Variants in GLIS1 observed in about 807,000 individuals in gnomAD.
The protein encoded by GLIS1 is zinc finger protein GLIS1.
A neutral mutation model predicts 63.8 loss-of-function variants in GLIS1; 24 were observed. That is an observed-to-expected ratio of 0.38 (90% CI 0.27 to 0.53). The LOEUF (loss-of-function observed/expected upper bound fraction) is 0.53. GLIS1 is among the 20% of genes least tolerant of loss of function. GLIS1 has a pLI of 0.85. For synonymous variants in GLIS1, 450 were observed against 482.5 expected (o/e 0.93, Z 0.88); for missense variants, 1,036 against 1,074.1 (o/e 0.96, Z 0.50).
chr1:53,704,290 T>C (rs961385223), intron 2 of GLIS1, among the ~76,000 whole-genome samples: 2 of 152,226 alleles, frequency 1.3e-5, no homozygotes, highest in African/African-American at 4.8e-5. Context: ...CTCAGCCTAC[T>C]TTCCACCCCT....
At chr1:53,518,336 G>A (rs1195321876) in intron 7 of GLIS1, among the ~76,000 whole-genome samples, 2 of 152,208 alleles carry the variant, frequency 1.3e-5, no homozygotes, top group Non-Finnish European at 2.9e-5. Flanking sequence ...TCTGCCACCT[G>A]CTAGCTGTGG....
chr1:53,604,912 A>G (rs375045759), intron 2 of GLIS1, among the ~76,000 whole-genome samples: 18 of 36,948 alleles, frequency 4.9e-4, no homozygotes, highest in Non-Finnish European at 1.5e-3. Context: ...ATATATATAT[A>G]TGTGTGTGTG....
At chr1:53,533,712 C>T (rs566528194) in intron 4 of GLIS1, among the ~76,000 whole-genome samples, 67 of 152,322 alleles carry the variant, frequency 4.4e-4, no homozygotes, top group African/African-American at 1.4e-3. Flanking sequence ...ATCCCAGACA[C>T]GCCAGGGGCC....
rs1645015455 is a variant in GLIS1 at position 53,574,749 on chromosome 1, C to T, written c.1320+19359G>A. On this transcript the variant is annotated intron_variant, in intron 4 of 10. Transcript: ENST00000628545. This position sits in a 1 kb window ranked among gnomAD's most constrained non-coding sequence, Gnocchi z 4.2. Reference sequence around the variant, plus strand: ...TTTGTCATTCCAGCTGTACCATTAGCAAGGGGCACTGTGATCCTCATGGGG... The same window carrying T: ...TTTGTCATTCCAGCTGTACCATTAGTAAGGGGCACTGTGATCCTCATGGGG... Among the ~76,000 whole-genome samples, 1 of 152,206 alleles carries T rather than the reference C, an allele frequency of 6.6e-6. No individual in the cohort carries two copies. The highest frequency in any genetic ancestry group is 2.4e-5 in the African/African-American group (1 of 41,454).
Position 53,646,679 on chromosome 1 carries a change from G to C in GLIS1, c.260-46401C>G, listed in dbSNP as rs1015395367. Among the ~76,000 whole-genome samples, 6 of 151,978 alleles carry C rather than the reference G, an allele frequency of 3.9e-5. No homozygotes were observed. Among genetic ancestry groups the C allele is most frequent in the African/African-American group, 1.5e-4 (6 of 41,378 alleles). The stretch of plus-strand genomic sequence containing the variant: ...ACAAAACTTAGCCAGGTGTGGTGGC[G>C]CACATCTGTGGTCCCAGCTACTTGG... On this transcript the variant is annotated intron_variant, in intron 2 of 10. Transcript: ENST00000628545. The surrounding 1 kb of genome is among the most constrained non-coding windows in gnomAD (Gnocchi z 4.2).
At chr1:53,726,608 C>T (rs1444876520) in intron 2 of GLIS1, among the ~76,000 whole-genome samples, 1 of 152,116 alleles carries the variant, frequency 6.6e-6, no homozygotes, top group Non-Finnish European at 1.5e-5. Flanking sequence ...AACAGACAAC[C>T]CTCATCCTAC....
At chr1:53,514,879 AGACAAGAGG>A in intron 7 of GLIS1, 98 bp from the exon 8 acceptor site, 1 of 1,375,664 alleles carries the variant, frequency 7.3e-7, no homozygotes, top group Non-Finnish European at 9.8e-7. Context: ...GGAGAAATAA[AGACAAGAGG>A]GAAAATGAAC....
intron 4 of GLIS1, among the ~76,000 whole-genome samples, chr1:53,588,417 G>A (rs981981550): frequency 2.0e-5 from 3 of 152,122 alleles, no homozygotes; most frequent in African/African-American, 7.2e-5. Flanking sequence ...CCCAACTTTC[G>A]ATTATCAGCC....
At position 53,509,219 on chromosome 1, in the gene GLIS1, G is replaced by A. The variant is rs759933200; in HGVS notation, c.2131C>T (p.Pro711Ser). 10 of 1,597,094 alleles carry A rather than the reference G, an allele frequency of 6.3e-6. No individual in the cohort carries two copies. Among genetic ancestry groups the A allele is most frequent in the Non-Finnish European group, 8.5e-6 (10 of 1,172,426 alleles). Residue 711 changes from proline to serine, a missense_variant, in exon 10 of 11, where the codon CCA becomes TCA. Pro to Ser is a moderately conservative substitution (Grantham distance 74). This residue lies in a region of GLIS1 where 400 missense variants were observed against 400.9 expected (regional missense o/e 1.00). Transcript: ENST00000628545. ...PYGDCYRMAE[P>S]AAGGDGLVGE... ...ACCAGTCCGTCCCCACCGGCTGCTGGTTCAGCCATCCGGTAGCAGTCGCCA... is the reference window on the plus strand; with the variant it reads ...ACCAGTCCGTCCCCACCGGCTGCTGATTCAGCCATCCGGTAGCAGTCGCCA...
At chr1:53,624,867 C>T (rs964095461) in intron 2 of GLIS1, among the ~76,000 whole-genome samples, 2 of 152,124 alleles carry the variant, frequency 1.3e-5, no homozygotes, top group Non-Finnish European at 2.9e-5. Flanking sequence ...TGATAAACAA[C>T]CCAATTTAAA....
At chr1:53,610,124 C>T (rs1178204863) in intron 2 of GLIS1, among the ~76,000 whole-genome samples, 4 of 152,364 alleles carry the variant, frequency 2.6e-5, no homozygotes, top group Non-Finnish European at 4.4e-5. Context: ...TGTGCCTACA[C>T]ACACACATTC....
chr1:53,656,307 CTCA>C (rs1366276492), intron 2 of GLIS1, among the ~76,000 whole-genome samples: 2 of 152,202 alleles, frequency 1.3e-5, no homozygotes, highest in African/African-American at 4.8e-5. Flanking sequence ...ACCCTCGCCT[CTCA>C]TCAGGAGTCT....
intron 2 of GLIS1, among the ~76,000 whole-genome samples, chr1:53,617,456 A>G (rs1412145535): frequency 6.6e-6 from 1 of 152,248 alleles, no homozygotes; most frequent in East Asian, 1.9e-4. Flanking sequence ...TAAATTGAGG[A>G]AAGACTATGC....
intron 2 of GLIS1, among the ~76,000 whole-genome samples, chr1:53,686,998 G>A (rs912535790): frequency 3.3e-5 from 5 of 152,172 alleles, no homozygotes; most frequent in Non-Finnish European, 5.9e-5. Context: ...CTGTGTATAG[G>A]AGGCTCCCAA....
intron 2 of GLIS1, among the ~76,000 whole-genome samples, chr1:53,696,165 A>C (rs1222548277): frequency 6.6e-6 from 1 of 152,222 alleles, no homozygotes; most frequent in Non-Finnish European, 1.5e-5. Flanking sequence ...TTTGCTCGGC[A>C]CAGGCCTGAG....
chr1:53,519,959 TG>T (rs1289263557), intron 7 of GLIS1, among the ~76,000 whole-genome samples: 3 of 152,176 alleles, frequency 2.0e-5, no homozygotes, highest in Non-Finnish European at 4.4e-5. Context: ...TGCTGATGCT[TG>T]GGGCAGGGCC....
At chr1:53,734,128 T>A in intron 2 of GLIS1, 1 of 985,368 alleles carries the variant, frequency 1.0e-6, no homozygotes, top group Non-Finnish European at 1.2e-6. Flanking sequence ...TGGCTGTTTT[T>A]ATAACGGCGG....
rs1408325841 is a variant in GLIS1 at position 53,594,063 on chromosome 1, T to C, written c.1320+45A>G. ...TGGGGCACTGGGGTGAGTGCTGCTC[T>C]GCCAGAGGGGCTGGGGTGAGGCCTG... On this transcript the variant is annotated intron_variant, in intron 4 of 10. Coordinates refer to ENST00000628545, the MANE Select transcript of GLIS1 (RefSeq NM_001367484.1). 28 of 1,564,864 alleles carry C rather than the reference T, an allele frequency of 1.8e-5. No individual in the cohort carries two copies. The East Asian group carries it at 6.4e-4, about 36-fold the overall frequency.
chr1:53,618,718 T>C (rs1351844511), intron 2 of GLIS1, among the ~76,000 whole-genome samples: 1 of 152,180 alleles, frequency 6.6e-6, no homozygotes, highest in East Asian at 1.9e-4. Flanking sequence ...CTGCTGCTGC[T>C]GCTGCCAACA....
Sources: allele counts gnomAD v4.1 joint callset (sites outside exome capture counted in the v4.1 genomes callset), GRCh38; gene constraint gnomAD v4.1.1; regional missense constraint gnomAD v4.1.1; non-coding constraint Gnocchi (gnomAD v3.1); transcripts MANE v1.5; gene names NCBI Gene and HGNC (gene_info 2026-07-23, HGNC 2026-07-21).